Variants in LIPA observed in about 807,000 individuals in gnomAD.
The protein encoded by LIPA is lysosomal acid lipase/cholesteryl ester hydrolase.
In LIPA, 26 loss-of-function variants were observed where a neutral mutation model predicts 40.6. The observed-to-expected ratio is 0.64, with a 90% confidence interval of 0.47 to 0.89. The LOEUF (loss-of-function observed/expected upper bound fraction) is 0.89. Among genes scored for constraint, LIPA ranks in the 40% least tolerant of loss-of-function variants. The pLI is 0.00. For synonymous variants in LIPA, 188 were observed against 168.4 expected (o/e 1.12, Z -0.90); for missense variants, 455 against 479.6 (o/e 0.95, Z 0.48).
At chr10:89,264,214 C>T (rs1223138131) in intron 1 of LIPA, among the ~76,000 whole-genome samples, 3 of 152,210 alleles carry the variant, frequency 2.0e-5, no homozygotes, top group Non-Finnish European at 4.4e-5. Context: ...CTTTCAGTCC[C>T]ACCATTCAGG....
At chr10:89,387,233 G>A (rs528652217) in intron 2 of LIPA, among the ~76,000 whole-genome samples, 2 of 150,890 alleles carry the variant, frequency 1.3e-5, no homozygotes, top group African/African-American at 4.9e-5. Context: ...GGACAATGGC[G>A]TGAACCCAGG....
chr10:89,223,956 C>A, intron 6 of LIPA, 126 bp from the exon 7 acceptor site: 1 of 906,462 alleles, frequency 1.1e-6, no homozygotes, highest in Non-Finnish European at 1.8e-6. Flanking sequence ...GAGAGAATGG[C>A]AACCAGTGGA....
chr10:89,269,541 G>A (rs1181607299), intron 1 of LIPA, among the ~76,000 whole-genome samples: 1 of 151,828 alleles, frequency 6.6e-6, no homozygotes, highest in Non-Finnish European at 1.5e-5. Flanking sequence ...ATAAAACTTT[G>A]ATGACATAAT....
intron 2 of LIPA, chr10:89,404,117 G>A (rs1844490664): frequency 6.4e-6 from 1 of 156,988 alleles, no homozygotes; most frequent in Non-Finnish European, 1.4e-5. Context: ...ATGACAAGAT[G>A]AGAGATCATT....
intron 2 of LIPA, chr10:89,392,967 G>C: frequency 1.5e-6 from 1 of 668,740 alleles, no homozygotes. Flanking sequence ...CCCAAAGAAG[G>C]GGAGGGAAAT....
chr10:89,307,070 C>T (rs1410015718), intron 1 of LIPA: 6 of 1,613,940 alleles, frequency 3.7e-6, no homozygotes, highest in East Asian at 2.2e-5. Context: ...AGCGAAACAA[C>T]TGCTCCATCT....
intron 2 of LIPA, among the ~76,000 whole-genome samples, chr10:89,407,448 C>T (rs1335728412): frequency 6.6e-6 from 1 of 152,162 alleles, no homozygotes; most frequent in Non-Finnish European, 1.5e-5. Context: ...ATGAGAAAGA[C>T]ATAATTTTTG....
intron 1 of LIPA, among the ~76,000 whole-genome samples, chr10:89,311,217 C>T (rs1477488326): frequency 6.6e-6 from 1 of 152,054 alleles, no homozygotes; most frequent in Non-Finnish European, 1.5e-5. Flanking sequence ...TGTCATCAAG[C>T]ACTACATTTA....
upstream of LIPA, among the ~76,000 whole-genome samples, chr10:89,345,988 T>A (rs752223351): frequency 6.6e-6 from 1 of 152,138 alleles, no homozygotes; most frequent in Non-Finnish European, 1.5e-5. Context: ...CCTAAAAACA[T>A]AGTAGTATCT....
chr10:89,251,602 G>A (rs1319783146), intron 1 of LIPA, 135 bp downstream of exon 1: 2 of 152,344 alleles, frequency 1.3e-5, no homozygotes, highest in Admixed American at 6.5e-5. Context: ...GGCACCCCAG[G>A]CAAGACTCGC....
chr10:89,378,845 G>A (rs905083326), intron 2 of LIPA, among the ~76,000 whole-genome samples: 1 of 152,152 alleles, frequency 6.6e-6, no homozygotes, highest in East Asian at 1.9e-4. Context: ...GGAAATAAAC[G>A]AGAAAGCAAT....
At chr10:89,301,406 T>A (rs890817532) in intron 1 of LIPA, among the ~76,000 whole-genome samples, 5 of 152,242 alleles carry the variant, frequency 3.3e-5, no homozygotes, top group Non-Finnish European at 7.3e-5. Flanking sequence ...CATATTGGTA[T>A]AAGGCAGAGC....
intron 2 of LIPA, among the ~76,000 whole-genome samples, chr10:89,359,023 T>C (rs1844004477): frequency 6.6e-6 from 1 of 152,224 alleles, no homozygotes; most frequent in Admixed American, 6.5e-5. Flanking sequence ...ATCAGTTCTT[T>C]CAGTGAATGG....
chr10:89,331,800 A>C (rs1190560415), intron 1 of LIPA, among the ~76,000 whole-genome samples: 1 of 148,438 alleles, frequency 6.7e-6, no homozygotes, highest in East Asian at 2.0e-4. Context: ...CAGAGGTTGC[A>C]GTAAGCTGAG....
At chr10:89,302,213 G>T (rs920912525) in intron 1 of LIPA, 1 of 1,415,766 alleles carries the variant, frequency 7.1e-7, no homozygotes, top group African/African-American at 1.4e-5. Context: ...CCCAAAGAGG[G>T]CCAGCTCCAT....
chr10:89,302,596 C>G (rs1843452266), intron 1 of LIPA, among the ~76,000 whole-genome samples: 2 of 152,178 alleles, frequency 1.3e-5, no homozygotes, highest in African/African-American at 4.8e-5. Flanking sequence ...ACCCCACTTC[C>G]TGCAAAGGTG....
At chr10:89,252,311 T>G (rs964822313), upstream of LIPA, among the ~76,000 whole-genome samples, 1 of 152,268 alleles carries the variant, frequency 6.6e-6, no homozygotes, top group Non-Finnish European at 1.5e-5. Flanking sequence ...TATTAATCAT[T>G]TTCTAAAACA....
Position 89,228,477 on chromosome 10 carries a change from G to A in LIPA, c.230-79C>T, listed in dbSNP as rs202009960. 279 of 1,167,968 alleles carry A rather than the reference G, an allele frequency of 2.4e-4. 3 individuals carry two copies. Among genetic ancestry groups the A allele is most frequent in the Admixed American group, 1.3e-3 (79 of 58,650 alleles). The allele number at this position is 1,167,968 out of a possible 1,614,324, so 72.4% of individuals were successfully genotyped here. A position where few individuals can be genotyped will look rare whatever the true frequency, so the allele number is the denominator to read the frequency against. ...TGATATCTTGCTAAATAGAACATTC[G>A]TAAAAGATCCATAAGCAAATAATGA... On this transcript the variant is annotated intron_variant, in intron 3 of 9. Coordinates refer to ENST00000336233, the MANE Select transcript of LIPA (RefSeq NM_000235.4).
chr10:89,414,651 C>G, upstream of LIPA: 1 of 779,178 alleles, frequency 1.3e-6, no homozygotes, highest in Non-Finnish European at 1.9e-6. Flanking sequence ...CAAAGACACG[C>G]CGCGCGGCCG....
Sources: allele counts gnomAD v4.1 joint callset (sites outside exome capture counted in the v4.1 genomes callset), GRCh38; gene constraint gnomAD v4.1.1; transcripts MANE v1.5; gene names NCBI Gene and HGNC (gene_info 2026-07-23, HGNC 2026-07-21).